The following CPS1 variants were observed in gnomAD, a reference collection of about 807,000 sequenced individuals.
CPS1 encodes carbamoyl-phosphate synthase [ammonia], mitochondrial.
A neutral mutation model predicts 174.6 loss-of-function variants in CPS1; 109 were observed. That is an observed-to-expected ratio of 0.62 (90% CI 0.53 to 0.73). The LOEUF (loss-of-function observed/expected upper bound fraction) is 0.73, where lower values mean the gene tolerates loss of function less well. Ranked by LOEUF, CPS1 falls within the 30% of genes least tolerant of loss-of-function variation. The probability of loss-of-function intolerance (pLI) is 0.00; values close to 1 mark genes in which losing one functional copy is unlikely to be tolerated. For missense variants in CPS1, 1,689 were observed against 1,821.9 expected (o/e 0.93, Z 1.33); for synonymous variants, 637 against 632.0 (o/e 1.01, Z -0.12).
upstream of CPS1, among the ~76,000 whole-genome samples, chr2:210,551,645 C>A (rs552846005): frequency 8.6e-5 from 13 of 151,998 alleles, no homozygotes; most frequent in Admixed American, 2.6e-4. Context: ...TACAAGGTCT[C>A]TTTTCCAGCT....
intron 1 of CPS1, among the ~76,000 whole-genome samples, chr2:210,571,184 C>G (rs1329750479): frequency 3.3e-5 from 5 of 151,800 alleles, no homozygotes; most frequent in Non-Finnish European, 7.4e-5. Context: ...TGCTGAGTAA[C>G]TCTAAAGTAT....
chr2:210,643,065 G>A (rs1050522837), intron 25 of CPS1, among the ~76,000 whole-genome samples: 1 of 152,172 alleles, frequency 6.6e-6, no homozygotes, highest in Admixed American at 6.5e-5. Flanking sequence ...GTGTGATGTG[G>A]TTTAATGATA....
At chr2:210,576,222 CTAGAGACATTCT>C (rs1697706395) in intron 2 of CPS1, 112 bp from the exon 3 acceptor site, 2 of 1,083,380 alleles carry the variant, frequency 1.8e-6, no homozygotes, top group Non-Finnish European at 2.8e-6. Flanking sequence ...ACGTTAAAAT[CTAGAGACATTCT>C]TGTTGGATTC....
At chr2:210,536,539 G>A (rs1167695629) in intron 1 of CPS1, among the ~76,000 whole-genome samples, 1 of 152,036 alleles carries the variant, frequency 6.6e-6, no homozygotes. Flanking sequence ...TGTTAGCCAG[G>A]ATGGCTACGA....
intron 33 of CPS1, among the ~76,000 whole-genome samples, chr2:210,666,360 G>A (rs1462940316): frequency 6.6e-6 from 1 of 150,870 alleles, no homozygotes; most frequent in African/African-American, 2.4e-5. Flanking sequence ...TTTGGCTTTT[G>A]TTGCCATTGC....
At chr2:210,601,305 T>G (rs1161986983) in intron 15 of CPS1, among the ~76,000 whole-genome samples, 1 of 151,954 alleles carries the variant, frequency 6.6e-6, no homozygotes, top group African/African-American at 2.4e-5. Flanking sequence ...CTGACTTTAT[T>G]TTTGACTTCA....
At chr2:210,587,984 A>T in intron 6 of CPS1, 74 bp from the exon 7 acceptor site, 1 of 1,236,196 alleles carries the variant, frequency 8.1e-7, no homozygotes, top group Non-Finnish European at 1.2e-6. Flanking sequence ...AAACATTGTC[A>T]GATGTGTTTA....
At chr2:210,605,388 T>A (rs1698872257) in intron 17 of CPS1, 142 bp downstream of exon 17, 3 of 884,050 alleles carry the variant, frequency 3.4e-6, no homozygotes, top group Non-Finnish European at 5.4e-6. Flanking sequence ...AAGCATAGTA[T>A]TTTACAGTAT....
intron 21 of CPS1, among the ~76,000 whole-genome samples, chr2:210,626,602 A>G (rs369884663): frequency 6.6e-6 from 1 of 152,166 alleles, no homozygotes; most frequent in Non-Finnish European, 1.5e-5. Flanking sequence ...TTATATTGTC[A>G]AAGATTATAT....
rs139306038 is a variant in CPS1 at position 210,639,351 on chromosome 2, G to A, written c.2895+136G>A. On this transcript the variant is annotated intron_variant, in intron 23 of 37. Transcript: ENST00000233072. ...ATCATGGCCGGGCGCGGTGGCTCAC[G>A]CCTGTAATCCCAGCACTTTGGGAGG... 3.3e-3 allele frequency: 2,285 copies of A among 697,618 alleles called. 33 individuals carry two copies. The African/African-American group carries it at 0.036, about 11-fold the overall frequency. The allele number at this position is 697,618 out of a possible 1,614,324, so 43.2% of individuals were successfully genotyped here. A position where few individuals can be genotyped will look rare whatever the true frequency, so the allele number is the denominator to read the frequency against.
At chr2:210,497,454 T>C (rs1010770198) in intron 1 of CPS1, among the ~76,000 whole-genome samples, 4 of 152,122 alleles carry the variant, frequency 2.6e-5, no homozygotes, top group Non-Finnish European at 5.9e-5. Context: ...ATAGGTATAT[T>C]GTGTGATGCC....
intron 1 of CPS1, among the ~76,000 whole-genome samples, chr2:210,536,001 T>C (rs1025920461): frequency 1.3e-5 from 2 of 152,042 alleles, no homozygotes; most frequent in South Asian, 2.1e-4. Context: ...AGAAAACTTA[T>C]TTGGAGAGAT....
intron 13 of CPS1, among the ~76,000 whole-genome samples, chr2:210,597,064 A>C (rs756026010): frequency 6.6e-6 from 1 of 151,942 alleles, no homozygotes; most frequent in African/African-American, 2.4e-5. Flanking sequence ...TTTCCTGTAT[A>C]ATTTGACTTA....
At chr2:210,477,873 C>A in intron 1 of CPS1, 1 of 1,281,366 alleles carries the variant, frequency 7.8e-7, no homozygotes. Context: ...ATTATTTTTT[C>A]TTTAATGATT....
At chr2:210,490,033 G>A (rs1694828977) in intron 1 of CPS1, among the ~76,000 whole-genome samples, 1 of 149,914 alleles carries the variant, frequency 6.7e-6, no homozygotes, top group African/African-American at 2.4e-5. Flanking sequence ...AGGAAAGCAG[G>A]CAGGCAGGAA....
intron 1 of CPS1, among the ~76,000 whole-genome samples, chr2:210,505,597 T>C (rs1236634621): frequency 6.6e-6 from 1 of 151,890 alleles, no homozygotes; most frequent in Non-Finnish European, 1.5e-5. Context: ...GAGCATCGCC[T>C]CACCCGGGAA....
intron 32 of CPS1, among the ~76,000 whole-genome samples, chr2:210,661,308 A>T (rs553786810): frequency 7.0e-4 from 107 of 152,334 alleles, no homozygotes; most frequent in Admixed American, 1.4e-3. Flanking sequence ...GCACAGAATT[A>T]TGACCTTTAA....
intron 32 of CPS1, among the ~76,000 whole-genome samples, chr2:210,661,373 G>A (rs914314882): frequency 3.9e-5 from 6 of 152,128 alleles, no homozygotes; most frequent in East Asian, 1.9e-4. Flanking sequence ...TTTGAATTAC[G>A]TAGATGAAGA....
At chr2:210,641,177 A>G (rs1272761758) in intron 24 of CPS1, among the ~76,000 whole-genome samples, 1 of 152,212 alleles carries the variant, frequency 6.6e-6, no homozygotes, top group Non-Finnish European at 1.5e-5. Context: ...GCTGGAATGC[A>G]GTGGTATGAT....
Sources: allele counts gnomAD v4.1 joint callset (sites outside exome capture counted in the v4.1 genomes callset), GRCh38; gene constraint gnomAD v4.1.1; transcripts MANE v1.5; gene names NCBI Gene and HGNC (gene_info 2026-07-23, HGNC 2026-07-21).